Variants in LUZP2 observed in about 807,000 individuals in gnomAD.
LUZP2 encodes the protein leucine zipper protein 2.
Under a neutral mutation model 51.6 loss-of-function variants are expected in LUZP2, and 52 were observed. The observed-to-expected ratio is 1.01, with a 90% CI of 0.81 to 1.27. The LOEUF is 1.27. Among genes scored for constraint, LUZP2 ranks in the 50% most tolerant of loss-of-function variants. LUZP2 has a pLI of 0.00. For synonymous variants in LUZP2, 154 were observed against 137.3 expected, an observed-to-expected ratio of 1.12 and a Z score of -0.85; for missense variants, 436 against 395.4, an observed-to-expected ratio of 1.10 and a Z score of -0.87.
chr11:24,651,256 C>A (rs1036366630), intron 1 of LUZP2, among the ~76,000 whole-genome samples: 2 of 152,000 alleles, frequency 1.3e-5, no homozygotes, highest in Admixed American at 6.6e-5. Flanking sequence ...TTATAGATTG[C>A]TTTCTATTTG....
Position 24,729,420 on chromosome 11 carries a change from T to C in LUZP2, c.180+134T>C, listed in dbSNP as rs143197026. ...CCATGGTGGTTGTTACTTACTATTA[T>C]ATGTGCCCTAAACGGAAATGTCATT... On this transcript the variant is annotated intron_variant, in intron 2 of 11. Coordinates refer to ENST00000336930, the MANE Select transcript of LUZP2 (RefSeq NM_001009909.4). The C allele has an allele frequency of 1.2e-3, 568 of 485,268 alleles. 2 individuals carry two copies. Among genetic ancestry groups the C allele is most frequent in the African/African-American group, 0.011 (547 of 50,616 alleles). The allele number at this position is 485,268 out of a possible 1,614,324, so 30.1% of individuals were successfully genotyped here.
chr11:24,524,374 A>G (rs1411321828), intron 1 of LUZP2, among the ~76,000 whole-genome samples: 1 of 151,722 alleles, frequency 6.6e-6, no homozygotes, highest in Non-Finnish European at 1.5e-5. Flanking sequence ...TTTTGGTAAA[A>G]CATGCTGACT....
chr11:24,897,458 T>C (rs1853112463), intron 5 of LUZP2, among the ~76,000 whole-genome samples: 2 of 151,976 alleles, frequency 1.3e-5, no homozygotes, highest in South Asian at 2.1e-4. Flanking sequence ...AGCGAAACCA[T>C]GAACCCACCG....
intron 7 of LUZP2, among the ~76,000 whole-genome samples, chr11:24,928,790 C>A (rs565050062): frequency 1.3e-5 from 2 of 152,074 alleles, no homozygotes; most frequent in Admixed American, 1.3e-4. Flanking sequence ...TGGAATAGTG[C>A]AAATAAGATT....
intron 1 of LUZP2, among the ~76,000 whole-genome samples, chr11:24,520,368 T>G (rs1044830849): frequency 6.6e-6 from 1 of 152,228 alleles, no homozygotes; most frequent in Admixed American, 6.5e-5. Flanking sequence ...TAAATACTTA[T>G]GTCTGTAGTT....
chr11:24,764,087 T>C (rs1483994476), intron 5 of LUZP2, among the ~76,000 whole-genome samples: 2 of 152,146 alleles, frequency 1.3e-5, no homozygotes, highest in Admixed American at 1.3e-4. Context: ...AAAGCCAGCT[T>C]ACTCAAATCA....
intron 1 of LUZP2, among the ~76,000 whole-genome samples, chr11:24,711,589 A>G (rs150147514): frequency 2.0e-4 from 31 of 152,282 alleles, no homozygotes; most frequent in African/African-American, 6.7e-4. Context: ...CGCTCAACGT[A>G]TCTCTTCTTG....
intron 9 of LUZP2, among the ~76,000 whole-genome samples, chr11:25,042,861 C>A (rs1366511347): frequency 6.6e-6 from 1 of 152,100 alleles, no homozygotes; most frequent in Non-Finnish European, 1.5e-5. Flanking sequence ...ACATAATAAT[C>A]CAGGATCCTA....
intron 5 of LUZP2, among the ~76,000 whole-genome samples, chr11:24,850,985 T>C (rs971091582): frequency 2.0e-5 from 3 of 152,250 alleles, no homozygotes; most frequent in African/African-American, 7.2e-5. Flanking sequence ...TTTGCTGAAG[T>C]TGCTTATCAA....
intron 8 of LUZP2, among the ~76,000 whole-genome samples, chr11:24,982,875 C>A (rs1019153159): frequency 6.6e-6 from 1 of 151,534 alleles, no homozygotes; most frequent in Non-Finnish European, 1.5e-5. Context: ...CATGTCAGTT[C>A]AAGAGAAAGT....
chr11:24,543,043 G>A (rs1395040175), intron 1 of LUZP2, among the ~76,000 whole-genome samples: 3 of 151,916 alleles, frequency 2.0e-5, no homozygotes, highest in Non-Finnish European at 4.4e-5. Context: ...TTTATTACCG[G>A]TGTGTTCATA....
chr11:24,540,879 A>T (rs1214691995), intron 1 of LUZP2, among the ~76,000 whole-genome samples: 1 of 152,136 alleles, frequency 6.6e-6, no homozygotes, highest in African/African-American at 2.4e-5. Context: ...ACAAAAAAAA[A>T]TTTGAAACAA....
intron 9 of LUZP2, among the ~76,000 whole-genome samples, chr11:24,999,998 T>C (rs1299822799): frequency 6.6e-6 from 1 of 152,144 alleles, no homozygotes; most frequent in Non-Finnish European, 1.5e-5. Flanking sequence ...TTCCCTTATT[T>C]GGCCCCGCCC....
At chr11:24,816,302 T>G (rs1850182025) in intron 5 of LUZP2, among the ~76,000 whole-genome samples, 1 of 151,948 alleles carries the variant, frequency 6.6e-6, no homozygotes, top group South Asian at 2.1e-4. Flanking sequence ...AGCTTTAATA[T>G]TCTGTATCTC....
At chr11:25,047,378 TTTTTTTTAA>T (rs1482543861) in intron 9 of LUZP2, among the ~76,000 whole-genome samples, 1 of 61,452 alleles carries the variant, frequency 1.6e-5, no homozygotes, top group African/African-American at 5.4e-5. Flanking sequence ...CTTTTTTTTA[TTTTTTTTAA>T]TTTTTTTTAA....
chr11:24,734,836 C>T (rs1038181610), intron 3 of LUZP2, among the ~76,000 whole-genome samples: 2 of 151,832 alleles, frequency 1.3e-5, no homozygotes, highest in African/African-American at 2.4e-5. Context: ...GTGCAGTGTG[C>T]TTGCCATTGC....
At chr11:25,018,063 G>T (rs1857213464) in intron 9 of LUZP2, among the ~76,000 whole-genome samples, 1 of 31,842 alleles carries the variant, frequency 3.1e-5, no homozygotes. Context: ...TTTTTTTGCA[G>T]CTGTTTTAAA....
intron 1 of LUZP2, among the ~76,000 whole-genome samples, chr11:24,666,338 C>T (rs1334836448): frequency 6.6e-6 from 1 of 152,104 alleles, no homozygotes. Flanking sequence ...CTGTAGTTAA[C>T]TCCTTTCTCA....
intron 5 of LUZP2, among the ~76,000 whole-genome samples, chr11:24,879,055 C>T (rs1852368644): frequency 6.6e-6 from 1 of 152,102 alleles, no homozygotes; most frequent in African/African-American, 2.4e-5. Context: ...CAAGCTCCGG[C>T]TCCTGGGTTC....
Sources: allele counts gnomAD v4.1 joint callset (sites outside exome capture counted in the v4.1 genomes callset), GRCh38; gene constraint gnomAD v4.1.1; transcripts MANE v1.5; gene names NCBI Gene and HGNC (gene_info 2026-07-23, HGNC 2026-07-21).